Variants in APBB1IP observed in about 807,000 individuals in gnomAD.
APBB1IP encodes the protein amyloid beta precursor protein binding family B member 1 interacting protein.
A neutral mutation model predicts 64.9 loss-of-function variants in APBB1IP; 27 were observed. The ratio of observed to expected loss-of-function variants is 0.42; its 90% CI spans 0.31 to 0.57. APBB1IP has a LOEUF of 0.57. Among genes scored for constraint, APBB1IP ranks in the 20% least tolerant of loss-of-function variants. The pLI is 0.20. For missense variants in APBB1IP, 812 were observed against 845.5 expected, an observed-to-expected ratio of 0.96 and a Z score of 0.49; for synonymous variants, 392 against 331.0, an observed-to-expected ratio of 1.18 and a Z score of -2.00.
At chr10:26,527,408 G>T (rs1052145624) in intron 8 of APBB1IP, among the ~76,000 whole-genome samples, 1 of 152,008 alleles carries the variant, frequency 6.6e-6, no homozygotes, top group African/African-American at 2.4e-5. Context: ...TTAGCTGGGT[G>T]TGATGGCATG....
chr10:26,479,623 G>C (rs1313192783), intron 2 of APBB1IP, among the ~76,000 whole-genome samples: 1 of 151,992 alleles, frequency 6.6e-6, no homozygotes, highest in Admixed American at 6.6e-5. Context: ...AAATTGACAC[G>C]TAAGTGTATA....
At chr10:26,529,919 G>A (rs1399373023) in intron 8 of APBB1IP, among the ~76,000 whole-genome samples, 2 of 152,172 alleles carry the variant, frequency 1.3e-5, no homozygotes, top group African/African-American at 4.8e-5. Context: ...GGGATTACAG[G>A]CGTGAGCCAC....
chr10:26,481,995 T>C (rs1835840411), intron 2 of APBB1IP, among the ~76,000 whole-genome samples: 1 of 152,154 alleles, frequency 6.6e-6, no homozygotes, highest in Admixed American at 6.5e-5. Flanking sequence ...ACTTTTGCCA[T>C]GACAATATTG....
At chr10:26,559,931 T>C (rs917162904) in intron 11 of APBB1IP, among the ~76,000 whole-genome samples, 174 bp from the exon 12 acceptor site, 1 of 152,226 alleles carries the variant, frequency 6.6e-6, no homozygotes, top group African/African-American at 2.4e-5. Flanking sequence ...TTAAATCCTT[T>C]CAAAATTTAG....
At chr10:26,477,292 G>A (rs997176262) in intron 2 of APBB1IP, among the ~76,000 whole-genome samples, 36 of 152,268 alleles carry the variant, frequency 2.4e-4, no homozygotes, top group African/African-American at 7.9e-4. Context: ...TGATCATTTG[G>A]TTAAAGCCAT....
intron 2 of APBB1IP, among the ~76,000 whole-genome samples, chr10:26,455,893 A>G (rs1835519469): frequency 1.3e-5 from 2 of 152,236 alleles, no homozygotes. Context: ...GAAAAAATGG[A>G]AACAACCCAA....
At chr10:26,556,387 G>T (rs1836895418) in intron 11 of APBB1IP, among the ~76,000 whole-genome samples, 1 of 152,172 alleles carries the variant, frequency 6.6e-6, no homozygotes, top group South Asian at 2.1e-4. Flanking sequence ...CCATTAGGTA[G>T]CTCATCTTAG....
rs139959684 is a variant in APBB1IP, at chr10:26,519,090, C to T, written c.813+5430C>T. ...AGGAGTTCGAGACCAGCCCGGCCAA[C>T]GTGATGAAACCCTGTCTCTACTAAA... On this transcript the variant is annotated intron_variant, in intron 8 of 14. Transcript: ENST00000376236. Among the ~76,000 whole-genome samples the T allele has an allele frequency of 8.3e-3, 1,081 of 130,214 alleles. 11 individuals carry two copies. The highest frequency in any genetic ancestry group is 0.03 in the African/African-American group (1,030 of 34,506). 85.4% of individuals were successfully genotyped at this position (130,214 alleles called of 152,430 possible).
At chr10:26,447,602 C>T (rs1046962528) in intron 2 of APBB1IP, among the ~76,000 whole-genome samples, 5 of 152,136 alleles carry the variant, frequency 3.3e-5, no homozygotes, top group South Asian at 4.1e-4. Context: ...AATACTGAGG[C>T]GCTTGCAATA....
At chr10:26,527,283 C>G (rs573353559) in intron 8 of APBB1IP, among the ~76,000 whole-genome samples, 1 of 152,150 alleles carries the variant, frequency 6.6e-6, no homozygotes, top group African/African-American at 2.4e-5. Flanking sequence ...CATGGTGGCT[C>G]ACACCTGTAA....
intron 5 of APBB1IP, chr10:26,501,539 C>T (rs1218706982): frequency 3.5e-5 from 8 of 230,252 alleles, no homozygotes; most frequent in Non-Finnish European, 6.0e-5. Flanking sequence ...ACTTGGCAGC[C>T]CTGTTCAGTA....
At chr10:26,449,907 T>G (rs1835445973) in intron 2 of APBB1IP, among the ~76,000 whole-genome samples, 1 of 151,986 alleles carries the variant, frequency 6.6e-6, no homozygotes, top group Non-Finnish European at 1.5e-5. Flanking sequence ...CTTGGGAGGC[T>G]GAAGCAGGAG....
In APBB1IP at chr10:26,567,335, C is replaced by A. The variant is rs1447144865; in HGVS notation, c.1848C>A (p.Ser616=). 1.4e-5 allele frequency: 19 copies of A among 1,379,374 alleles called. No homozygotes were observed. The highest frequency in any genetic ancestry group is 1.7e-5 in the Non-Finnish European group (18 of 1,049,670). The allele number at this position is 1,379,374 out of a possible 1,614,324, so 85.4% of individuals were successfully genotyped here. The change falls in exon 15 of 15, where the codon TCC becomes TCA. Residue 616 remains serine, a synonymous_variant. Transcript: ENST00000376236. ...CCGCGCCCGCCCCCGTCCCCGACTCCGCCAGGCCGCCCCCCGCGGTGGCCA... is the reference window on the plus strand; with the variant it reads ...CCGCGCCCGCCCCCGTCCCCGACTCAGCCAGGCCGCCCCCCGCGGTGGCCA... ...PAPAPAPVPD[S]ARPPPAVAKR...
chr10:26,496,238 G>C, intron 3 of APBB1IP, 66 bp from the exon 4 acceptor site: 1 of 1,224,944 alleles, frequency 8.2e-7, no homozygotes, highest in South Asian at 1.3e-5. Context: ...TTGACTTGCT[G>C]AGTAAAGTGT....
At position 26,567,033 on chromosome 10, in the gene APBB1IP, C is replaced by T; in HGVS notation, c.1546C>T (p.Leu516=). 6.4e-7 allele frequency: 1 copy of T among 1,551,816 alleles called. No individual in the cohort carries two copies. The highest frequency in any genetic ancestry group is 2.5e-5 in the East Asian group (1 of 40,156). ...GGCCCCGCACGCCCCCAAGTCCAGC[C>T]TGCCCCCGCCCCCTCCGGTGCGGAG... The part of the protein sequence containing the change: ...PRAPHAPKSS[L]PPPPPVRRSS... The change falls in exon 15 of 15, where the codon CTG becomes TTG. Residue 516 remains leucine (L), a synonymous_variant. Transcript: ENST00000376236.
At chr10:26,512,458 C>G (rs760414241) in intron 7 of APBB1IP, among the ~76,000 whole-genome samples, 2 of 152,166 alleles carry the variant, frequency 1.3e-5, no homozygotes, top group Non-Finnish European at 2.9e-5. Context: ...TGCTCATTTC[C>G]CCTTCCTCCC....
chr10:26,538,963 C>T (rs1836663064), intron 10 of APBB1IP, among the ~76,000 whole-genome samples: 1 of 152,208 alleles, frequency 6.6e-6, no homozygotes, highest in Admixed American at 6.5e-5. Flanking sequence ...ATTTATATCA[C>T]AGCAGTGGGG....
intron 2 of APBB1IP, among the ~76,000 whole-genome samples, chr10:26,488,593 G>T (rs1835920538): frequency 6.6e-6 from 1 of 152,160 alleles, no homozygotes; most frequent in South Asian, 2.1e-4. Context: ...ACTGTGTGGG[G>T]ATAAAACCCC....
intron 2 of APBB1IP, among the ~76,000 whole-genome samples, chr10:26,465,032 A>G (rs1349670071): frequency 1.3e-5 from 2 of 152,206 alleles, no homozygotes; most frequent in Non-Finnish European, 2.9e-5. Context: ...GTTTGCAAAG[A>G]CATTATTTCC....
Sources: gnomAD v4.1 joint callset for allele counts (sites outside exome capture counted in the v4.1 genomes callset) on GRCh38, gnomAD v4.1.1 for gene constraint, MANE v1.5 for transcripts, NCBI Gene and HGNC (gene_info 2026-07-23, HGNC 2026-07-21) for gene names.